The following TBC1D26 variants were observed in gnomAD, a reference collection of about 807,000 sequenced individuals.
TBC1D26 encodes the protein TBC1 domain family member 26, also known as TBC1 domain family, member 26.
A neutral mutation model predicts 42.5 loss-of-function variants in TBC1D26; 19 were observed. That is an observed-to-expected ratio of 0.45 (90% CI 0.31 to 0.66). The LOEUF is 0.66. TBC1D26 is among the 30% of genes least tolerant of loss of function. The pLI, the probability that TBC1D26 is intolerant of heterozygous loss-of-function variation, is 0.06. For missense variants in TBC1D26, 228 were observed against 332.6 expected (o/e 0.69, Z 2.45); for synonymous variants, 97 against 123.5 (o/e 0.79, Z 1.42).
rs373637888 is a variant in TBC1D26, at chr17:15,740,139, A to C, written c.537A>C (p.Ala179=). ...ELCDILVAYS[A]YNPEVGYHRD... ...GTGACATCCTCGTGGCCTATTCTGC[A>C]TATAACCCTGTGAGTATTCCCGGGC... The change falls in exon 9 of 15, where the codon GCA becomes GCC. Residue 179 remains alanine (A), a synonymous_variant. Coordinates refer to ENST00000437605, the MANE Select transcript of TBC1D26 (RefSeq NM_001388465.1). The C allele has an allele frequency of 6.2e-7, 1 of 1,614,170 alleles. No individual in the cohort carries two copies. Among genetic ancestry groups the C allele is most frequent in the Non-Finnish European group, 8.5e-7 (1 of 1,180,022 alleles).
chr17:15,733,089 T>G (rs1410783180), intron 1 of TBC1D26, among the ~76,000 whole-genome samples: 1 of 151,018 alleles, frequency 6.6e-6, no homozygotes, highest in Admixed American at 6.6e-5. Flanking sequence ...CAGCAGAGGC[T>G]TGGCCACTGG....
At chr17:15,740,606 T>C in intron 9 of TBC1D26, 1 of 1,087,406 alleles carries the variant, frequency 9.2e-7, no homozygotes, top group Non-Finnish European at 1.1e-6. Flanking sequence ...CAGGTGGCTG[T>C]TCCTGCTTGG....
At chr17:15,740,795 T>C (rs985301702) in intron 9 of TBC1D26, 2 of 845,998 alleles carry the variant, frequency 2.4e-6, no homozygotes, top group Non-Finnish European at 1.6e-6. Flanking sequence ...AGTTCACAGG[T>C]GCTGCCCCAG....
intron 9 of TBC1D26, chr17:15,740,760 C>T (rs1253978402): frequency 9.8e-6 from 10 of 1,022,244 alleles, no homozygotes; most frequent in Middle Eastern, 4.3e-4. Flanking sequence ...GTCAGCGCCC[C>T]GCTGCCTGCC....
intron 8 of TBC1D26, among the ~76,000 whole-genome samples, chr17:15,739,562 C>A (rs1967715882): frequency 6.6e-6 from 1 of 152,258 alleles, no homozygotes; most frequent in Non-Finnish European, 1.5e-5. Flanking sequence ...ATGAGTATTG[C>A]TGAGGGAATG....
chr17:15,742,050 A>G lies in TBC1D26; in HGVS notation c.741+14A>G. On this transcript the variant is annotated intron_variant, in intron 11 of 14. Transcript: ENST00000437605. ...ATGAGACACCTGGTGAGTGGATGAC[A>G]CCCTCAGCTCCTAACCAGACGCCCT... The G allele has an allele frequency of 6.2e-7, 1 of 1,610,626 alleles. No homozygotes were observed. The highest frequency in any genetic ancestry group is 8.5e-7 in the Non-Finnish European group (1 of 1,177,340).
chr17:15,739,281 T>G (rs536289081), intron 8 of TBC1D26, among the ~76,000 whole-genome samples: 299 of 151,470 alleles, frequency 2.0e-3, no homozygotes, highest in African/African-American at 7.1e-3. Flanking sequence ...GTAAGTCACA[T>G]GGGCTGTGGC....
chr17:15,736,205 A>AG (rs745739905), intron 4 of TBC1D26, among the ~76,000 whole-genome samples: 4 of 152,256 alleles, frequency 2.6e-5, no homozygotes, highest in Non-Finnish European at 1.5e-5. Flanking sequence ...CACTGAGGCC[A>AG]GGGGGACAAC....
intron 9 of TBC1D26, chr17:15,740,483 G>A (rs1967748395): frequency 7.8e-7 from 1 of 1,286,888 alleles, no homozygotes; most frequent in Non-Finnish European, 9.8e-7. Context: ...CACTTGTCAT[G>A]AAATGAGTTT....
At position 15,737,902 on chromosome 17, in the gene TBC1D26, G is replaced by T; in HGVS notation, c.199-95G>T. On this transcript the variant is annotated intron_variant, in intron 5 of 14. Coordinates refer to ENST00000437605, the MANE Select transcript of TBC1D26 (RefSeq NM_001388465.1). Reference sequence around the variant, plus strand: ...CCCTTTCCTGGCTTCTTCAAGTTGGGTCCCTTCAGGGCCCCAAAGCCCTGG... The same window carrying T: ...CCCTTTCCTGGCTTCTTCAAGTTGGTTCCCTTCAGGGCCCCAAAGCCCTGG... 3 of 1,540,514 alleles carry T rather than the reference G, an allele frequency of 1.9e-6. No individual in the cohort carries two copies. The African/African-American group carries it at 4.1e-5, about 21-fold the overall frequency.
At chr17:15,738,594 G>A (rs1967688179) in intron 7 of TBC1D26, 127 bp from the exon 8 acceptor site, 1 of 1,527,686 alleles carries the variant, frequency 6.5e-7, no homozygotes, top group Non-Finnish European at 9.0e-7. Flanking sequence ...GTAAAAAGGA[G>A]CTTTCTGCAG....
intron 7 of TBC1D26, 56 bp from the exon 8 acceptor site, chr17:15,738,665 C>T (rs1967689905): frequency 2.5e-6 from 4 of 1,612,622 alleles, no homozygotes; most frequent in Non-Finnish European, 3.4e-6. Flanking sequence ...CCGTTTGGGG[C>T]AGGGAGTCTT....
At chr17:15,732,568 A>G (rs1221559530) in intron 1 of TBC1D26, among the ~76,000 whole-genome samples, 184 bp downstream of exon 1, 2 of 150,060 alleles carry the variant, frequency 1.3e-5, no homozygotes, top group East Asian at 4.0e-4. Context: ...CCATTCCACA[A>G]GTGAGATGTC....
chr17:15,742,588 G>C (rs535677644), intron 12 of TBC1D26, 109 bp downstream of exon 12: 49 of 175,664 alleles, frequency 2.8e-4, no homozygotes, highest in Non-Finnish European at 1.3e-4. Flanking sequence ...CACAAGCCAG[G>C]CTCTGCCCAA....
In TBC1D26 at chr17:15,736,891, T is replaced by A. The variant is rs559494045; in HGVS notation, c.159-593T>A. ...AGGGCCAGGGTGGCCGGAGAGAGGG[T>A]CATAGTGTCTGGGCTGGGCAGGATG... On this transcript the variant is annotated intron_variant, in intron 4 of 14. Coordinates refer to ENST00000437605, the MANE Select transcript of TBC1D26 (RefSeq NM_001388465.1). 5.9e-3 allele frequency among the ~76,000 whole-genome samples: 894 copies of A among 152,168 alleles called. 2 individuals are homozygous for A. The highest frequency in any genetic ancestry group is 0.02 in the African/African-American group (848 of 41,468).
intron 4 of TBC1D26, among the ~76,000 whole-genome samples, chr17:15,737,269 C>T (rs1597754572): frequency 1.3e-5 from 2 of 152,366 alleles, no homozygotes; most frequent in East Asian, 3.9e-4. Context: ...GTCCCCCCCA[C>T]CCAGGGCCAG....
chr17:15,732,785 G>A (rs982292945), intron 1 of TBC1D26, among the ~76,000 whole-genome samples: 6 of 152,154 alleles, frequency 3.9e-5, no homozygotes, highest in Non-Finnish European at 5.9e-5. Flanking sequence ...GGTGGTGCTC[G>A]GTCCAAGTCT....
At chr17:15,741,030 A>G in intron 9 of TBC1D26, 92 bp from the exon 10 acceptor site, 1 of 1,549,550 alleles carries the variant, frequency 6.5e-7, no homozygotes. Context: ...GGTGTCCCCA[A>G]AGACCTGTGC....
At chr17:15,742,380 AG>A in intron 11 of TBC1D26, 33 bp from the exon 12 acceptor site, 3 of 385,290 alleles carry the variant, frequency 7.8e-6, no homozygotes, top group Non-Finnish European at 1.4e-5. Flanking sequence ...AGGGCAGCCC[AG>A]GGGGCCCTGA....
Sources: gnomAD v4.1 joint callset for allele counts (sites outside exome capture counted in the v4.1 genomes callset) on GRCh38, gnomAD v4.1.1 for gene constraint, MANE v1.5 for transcripts, NCBI Gene and HGNC (gene_info 2026-07-23, HGNC 2026-07-21) for gene names.